PRKCE: variants seen among roughly 807,000 people sequenced by gnomAD.
PRKCE encodes the protein protein kinase C epsilon.
Under a neutral mutation model 85.4 loss-of-function variants are expected in PRKCE, and 16 were observed. That is an observed-to-expected ratio of 0.19 (90% CI 0.13 to 0.28). PRKCE has a LOEUF of 0.28. Among genes scored for constraint, PRKCE ranks in the 10% least tolerant of loss-of-function variants. The pLI is 1.00. For missense variants in PRKCE, 573 were observed against 975.2 expected (o/e 0.59, Z 5.49); for synonymous variants, 388 against 371.5 (o/e 1.04, Z -0.51).
At chr2:46,038,084 G>A (rs1348613904) in intron 10 of PRKCE, among the ~76,000 whole-genome samples, 2 of 152,204 alleles carry the variant, frequency 1.3e-5, no homozygotes, top group African/African-American at 4.8e-5. Flanking sequence ...TGCTGAGGAT[G>A]AAGAAGGAGA....
chr2:45,993,856 A>G (rs185420350), intron 6 of PRKCE, among the ~76,000 whole-genome samples: 8 of 152,252 alleles, frequency 5.3e-5, no homozygotes, highest in East Asian at 3.9e-4. Flanking sequence ...TGATAACTCC[A>G]TTAGTCAAGT....
chr2:46,012,305 CT>C (rs111284355), intron 10 of PRKCE, among the ~76,000 whole-genome samples: 1,767 of 146,280 alleles, frequency 0.012, 30 homozygotes, highest in African/African-American at 0.039. Flanking sequence ...TTTTCTTTTC[CT>C]TTTTTTTTTT....
chr2:45,751,684 C>G (rs1218200539), intron 1 of PRKCE, among the ~76,000 whole-genome samples: 1 of 152,012 alleles, frequency 6.6e-6, no homozygotes, highest in East Asian at 1.9e-4. Flanking sequence ...ATGTAATCGA[C>G]TTTAAAAAAT....
chr2:45,661,047 C>T (rs978527516), intron 1 of PRKCE, among the ~76,000 whole-genome samples: 1 of 152,194 alleles, frequency 6.6e-6, no homozygotes, highest in African/African-American at 2.4e-5. Flanking sequence ...CATCCCTGAC[C>T]TCTACCCCAC....
intron 2 of PRKCE, among the ~76,000 whole-genome samples, chr2:45,921,479 G>A (rs1010696772): frequency 1.3e-5 from 2 of 152,172 alleles, no homozygotes; most frequent in Non-Finnish European, 2.9e-5. Flanking sequence ...TAGCTTATTT[G>A]TTCCTCACAA....
chr2:46,087,998 A>G (rs985783790), intron 11 of PRKCE, among the ~76,000 whole-genome samples: 1 of 152,168 alleles, frequency 6.6e-6, no homozygotes, highest in African/African-American at 2.4e-5. Context: ...CTTTTGATTA[A>G]CTCAAAGTCA....
chr2:45,890,415 T>A (rs1473893382), intron 2 of PRKCE, among the ~76,000 whole-genome samples: 2 of 152,206 alleles, frequency 1.3e-5, no homozygotes, highest in East Asian at 3.8e-4. Context: ...AGTCTCACTC[T>A]GTCTCCCAGA....
At chr2:45,980,178 G>T (rs886410259) in intron 4 of PRKCE, 118 bp from the exon 5 acceptor site, 21 of 827,678 alleles carry the variant, frequency 2.5e-5, no homozygotes, top group Non-Finnish European at 3.6e-5. Flanking sequence ...TTAAATTAAG[G>T]CTCAGTGGCA....
chr2:45,884,982 TATATATATATATATATATA>T (rs1558793109), intron 2 of PRKCE, among the ~76,000 whole-genome samples: 24 of 72,250 alleles, frequency 3.3e-4, no homozygotes, highest in South Asian at 1.1e-3. Context: ...TATATATATA[TATATATATATATATATATA>T]TTTGTTGTTG....
At chr2:46,045,983 A>G (rs1435418723) in intron 10 of PRKCE, among the ~76,000 whole-genome samples, 1 of 152,200 alleles carries the variant, frequency 6.6e-6, no homozygotes, top group Non-Finnish European at 1.5e-5. Context: ...AGCAGGTGAG[A>G]GATCAAAACA....
chr2:46,093,992 A>G (rs1023425948), intron 11 of PRKCE, among the ~76,000 whole-genome samples: 14 of 152,140 alleles, frequency 9.2e-5, no homozygotes, highest in African/African-American at 3.4e-4. Flanking sequence ...AAGTTAATAA[A>G]TATCTCTTTG....
chr2:46,075,194 C>T (rs1257390222), intron 10 of PRKCE, among the ~76,000 whole-genome samples: 1 of 152,002 alleles, frequency 6.6e-6, no homozygotes, highest in Non-Finnish European at 1.5e-5. Flanking sequence ...GCACGCACCA[C>T]CACGCCCGGC....
At chr2:45,985,769 A>G (rs1470808666) in intron 6 of PRKCE, among the ~76,000 whole-genome samples, 1 of 152,206 alleles carries the variant, frequency 6.6e-6, no homozygotes, top group Non-Finnish European at 1.5e-5. Flanking sequence ...TGGGGATACA[A>G]GAGGGAGGAT....
At chr2:45,790,335 G>A (rs1686936880) in intron 1 of PRKCE, among the ~76,000 whole-genome samples, 1 of 152,180 alleles carries the variant, frequency 6.6e-6, no homozygotes. Flanking sequence ...ATGTGTCGAG[G>A]GTGGCAGCAC....
chr2:45,783,509 C>T lies in PRKCE; in HGVS notation c.349-59491C>T, dbSNP rs1389724372. 2.0e-5 allele frequency among the ~76,000 whole-genome samples: 3 copies of T among 152,232 alleles called. No individual in the cohort carries two copies. The East Asian group carries it at 5.8e-4, about 29-fold the overall frequency. The stretch of plus-strand genomic sequence containing the variant: ...TGCAGTCATCTCCTTTGCTGGGTTT[C>T]AGCATTTCCCTCCTTGGGAATCTAC... On this transcript the variant is annotated intron_variant, in intron 1 of 14. Transcript: ENST00000306156.
intron 1 of PRKCE, among the ~76,000 whole-genome samples, chr2:45,725,877 A>C (rs947550409): frequency 2.0e-5 from 3 of 152,018 alleles, no homozygotes; most frequent in African/African-American, 7.2e-5. Context: ...ACCCACATTC[A>C]TGATGCATGG....
At chr2:46,160,224 G>T (rs906673066) in intron 14 of PRKCE, among the ~76,000 whole-genome samples, 3 of 152,158 alleles carry the variant, frequency 2.0e-5, no homozygotes, top group Admixed American at 2.0e-4. Flanking sequence ...GGATGGTGCT[G>T]GGGGGAGCTT....
chr2:45,841,328 C>T (rs959416362), intron 1 of PRKCE, among the ~76,000 whole-genome samples: 7 of 152,184 alleles, frequency 4.6e-5, no homozygotes, highest in Non-Finnish European at 2.9e-5. Flanking sequence ...GTAGGAAAGC[C>T]GACAGGGCAG....
At chr2:46,154,345 G>T (rs1011946009) in intron 13 of PRKCE, among the ~76,000 whole-genome samples, 2 of 152,094 alleles carry the variant, frequency 1.3e-5, no homozygotes, top group African/African-American at 4.8e-5. Flanking sequence ...CAAATTCAAT[G>T]TGTGTTCTGG....
Sources: allele counts gnomAD v4.1 joint callset (sites outside exome capture counted in the v4.1 genomes callset), GRCh38; gene constraint gnomAD v4.1.1; transcripts MANE v1.5; gene names NCBI Gene and HGNC (gene_info 2026-07-23, HGNC 2026-07-21).